VPS50: variants seen among roughly 807,000 people sequenced by gnomAD.
The protein encoded by VPS50 is syndetin.
Under a neutral mutation model 139.7 loss-of-function variants are expected in VPS50, and 70 were observed. That is an observed-to-expected ratio of 0.50 (90% CI 0.41 to 0.61). The LOEUF (loss-of-function observed/expected upper bound fraction) is 0.61. Among genes scored for constraint, VPS50 ranks in the 20% least tolerant of loss-of-function variants. VPS50 has a pLI of 0.00. For synonymous variants in VPS50, 365 were observed against 376.7 expected (o/e 0.97, Z 0.36); for missense variants, 921 against 1,133.7 (o/e 0.81, Z 2.69).
intron 12 of VPS50, among the ~76,000 whole-genome samples, chr7:93,287,800 T>A (rs1474318330): frequency 6.6e-6 from 1 of 152,160 alleles, no homozygotes; most frequent in Non-Finnish European, 1.5e-5. Flanking sequence ...TGCCTTGTTC[T>A]TGGAAAAGGT....
At chr7:93,356,668 T>A (rs1157753567) in intron 27 of VPS50, among the ~76,000 whole-genome samples, 1 of 152,182 alleles carries the variant, frequency 6.6e-6, no homozygotes, top group Admixed American at 6.6e-5. Context: ...TATTGTTACG[T>A]AGGATGCCGA....
At chr7:93,271,081 T>C (rs1373075300) in intron 9 of VPS50, 139 bp from the exon 10 acceptor site, 5 of 1,305,566 alleles carry the variant, frequency 3.8e-6, no homozygotes, top group Non-Finnish European at 4.0e-6. Context: ...ATTGTCTATA[T>C]GTAGAATTCA....
chr7:93,254,135 T>C (rs1795418486), intron 4 of VPS50, among the ~76,000 whole-genome samples: 1 of 152,260 alleles, frequency 6.6e-6, no homozygotes, highest in Non-Finnish European at 1.5e-5. Flanking sequence ...GTAGATTTAC[T>C]TCTAGAACTT....
chr7:93,250,983 C>T (rs1456033722), intron 2 of VPS50, among the ~76,000 whole-genome samples: 1 of 152,126 alleles, frequency 6.6e-6, no homozygotes. Context: ...AATGAGATAC[C>T]ATTTCACGCC....
chr7:93,290,417 CTT>C (rs36096738), intron 12 of VPS50, among the ~76,000 whole-genome samples: 46 of 138,192 alleles, frequency 3.3e-4, no homozygotes, highest in East Asian at 4.2e-4. Flanking sequence ...TAATGGGCAT[CTT>C]TTTTTTTTTT....
At position 93,358,572 on chromosome 7, in the gene VPS50, A is replaced by C; in HGVS notation, c.*136A>C. 2 of 706,276 alleles carry C rather than the reference A, an allele frequency of 2.8e-6. No individual in the cohort carries two copies. Among genetic ancestry groups the C allele is most frequent in the Non-Finnish European group, 2.4e-6 (1 of 412,772 alleles). The allele number at this position is 706,276 out of a possible 1,614,324, so 43.8% of individuals were successfully genotyped here. The stretch of plus-strand genomic sequence containing the variant: ...ATGTTTTTTTGACTGGAAAGTGGAA[A>C]ATATTGAAATGTGTGTGGTGTTCTC... On this transcript the variant is annotated 3_prime_UTR_variant, in exon 28 of 28. Coordinates refer to ENST00000305866, the MANE Select transcript of VPS50 (RefSeq NM_017667.4).
intron 8 of VPS50, among the ~76,000 whole-genome samples, chr7:93,259,215 C>G (rs1218323356): frequency 6.6e-6 from 1 of 151,588 alleles, no homozygotes; most frequent in Non-Finnish European, 1.5e-5. Context: ...GTAGGCAGTA[C>G]TGAAAGAAGA....
At chr7:93,238,569 C>T (rs1295980911) in intron 1 of VPS50, among the ~76,000 whole-genome samples, 1 of 152,076 alleles carries the variant, frequency 6.6e-6, no homozygotes, top group African/African-American at 2.4e-5. Context: ...ACTACTTTGG[C>T]TGAGGTATTG....
At chr7:93,316,561 G>A (rs902465485) in intron 20 of VPS50, among the ~76,000 whole-genome samples, 15 of 152,160 alleles carry the variant, frequency 9.9e-5, no homozygotes, top group African/African-American at 3.4e-4. Context: ...ACAACAGACA[G>A]AATTGGTGAA....
At chr7:93,250,848 GA>G (rs1343084084) in intron 2 of VPS50, among the ~76,000 whole-genome samples, 1 of 151,824 alleles carries the variant, frequency 6.6e-6, no homozygotes, top group Non-Finnish European at 1.5e-5. Flanking sequence ...AAATTTACAA[GA>G]AAAAAACAAC....
chr7:93,353,515 CT>C (rs1562902366), intron 25 of VPS50, 124 bp from the exon 26 acceptor site: 2 of 1,057,270 alleles, frequency 1.9e-6, no homozygotes, highest in Non-Finnish European at 1.4e-6. Context: ...TTGGCATTAT[CT>C]TTTTTGATTT....
At chr7:93,347,741 C>G (rs1276648262) in intron 23 of VPS50, among the ~76,000 whole-genome samples, 1 of 145,910 alleles carries the variant, frequency 6.9e-6, no homozygotes, top group Non-Finnish European at 1.5e-5. Flanking sequence ...AAACCAAACA[C>G]TGCATATTCT....
chr7:93,248,597 C>T (rs1292153016), intron 2 of VPS50, among the ~76,000 whole-genome samples: 2 of 151,714 alleles, frequency 1.3e-5, no homozygotes, highest in Non-Finnish European at 2.9e-5. Context: ...TTTTCCTTTC[C>T]TTTTGTCTTA....
intron 19 of VPS50, among the ~76,000 whole-genome samples, chr7:93,310,119 G>T (rs1481040035): frequency 2.0e-5 from 3 of 151,880 alleles, no homozygotes; most frequent in Non-Finnish European, 4.4e-5. Flanking sequence ...GGAATATTTT[G>T]GCCAAAAGGA....
At chr7:93,301,951 G>A (rs987745669) in intron 16 of VPS50, among the ~76,000 whole-genome samples, 9 of 152,108 alleles carry the variant, frequency 5.9e-5, no homozygotes, top group Non-Finnish European at 8.8e-5. Context: ...GATTATGGCT[G>A]TCCTAGTAGG....
chr7:93,276,412 T>C, intron 12 of VPS50, 107 bp downstream of exon 12: 1 of 1,352,446 alleles, frequency 7.4e-7, no homozygotes, highest in Non-Finnish European at 9.6e-7. Context: ...AAAATAAAAA[T>C]AAATCTTTGC....
At chr7:93,322,478 T>C (rs925521424) in intron 20 of VPS50, among the ~76,000 whole-genome samples, 19 of 151,072 alleles carry the variant, frequency 1.3e-4, no homozygotes, top group African/African-American at 4.6e-4. Context: ...CGGGCGCCTG[T>C]AGTCCCAGCT....
chr7:93,276,203 C>A lies in VPS50; in HGVS notation c.840C>A (p.Ala280=). 1.2e-6 allele frequency: 2 copies of A among 1,613,354 alleles called. No homozygotes were observed. The highest frequency in any genetic ancestry group is 1.7e-6 in the Non-Finnish European group (2 of 1,179,564). ...MDQLHMHFTQ[A]IHNTVFQVVL... ...AACTTCATATGCACTTCACCCAAGC[C>A]ATTCACAACACCGTGTTTCAAGTTG... The change falls in exon 12 of 28, where the codon GCC becomes GCA. Residue 280 remains alanine, a synonymous_variant. Coordinates refer to ENST00000305866, the MANE Select transcript of VPS50 (RefSeq NM_017667.4).
chr7:93,351,594 T>C (rs7783224), intron 25 of VPS50, among the ~76,000 whole-genome samples: 9,236 of 152,182 alleles, frequency 0.061, 325 homozygotes, highest in Middle Eastern at 0.11. Context: ...TGCTGTACCC[T>C]AACATGGTAA....
Sources: gnomAD v4.1 joint callset for allele counts (sites outside exome capture counted in the v4.1 genomes callset) on GRCh38, gnomAD v4.1.1 for gene constraint, MANE v1.5 for transcripts, NCBI Gene and HGNC (gene_info 2026-07-23, HGNC 2026-07-21) for gene names.